The following COP1 variants were observed in gnomAD, a reference collection of about 807,000 sequenced individuals.
The protein encoded by COP1 is E3 ubiquitin-protein ligase COP1.
A neutral mutation model predicts 101.3 loss-of-function variants in COP1; 24 were observed. The ratio of observed to expected loss-of-function variants is 0.24; its 90% confidence interval spans 0.17 to 0.33. The LOEUF (loss-of-function observed/expected upper bound fraction) is 0.33, where lower values mean the gene tolerates loss of function less well. Among genes scored for constraint, COP1 ranks in the 10% least tolerant of loss-of-function variants. COP1 has a pLI of 1.00. For synonymous variants in COP1, 347 were observed against 341.9 expected (o/e 1.01, Z -0.17); for missense variants, 663 against 906.2 (o/e 0.73, Z 3.45).
At chr1:175,980,580 T>C (rs75023849) in intron 18 of COP1, among the ~76,000 whole-genome samples, 8,654 of 152,148 alleles carry the variant, frequency 0.057, 286 homozygotes, top group African/African-American at 0.08. Flanking sequence ...GGAAATCTGT[T>C]ATCCTGATCC....
chr1:176,162,849 T>A lies in COP1; in HGVS notation c.762+20A>T. 6.4e-7 allele frequency: 1 copy of A among 1,560,022 alleles called. No individual in the cohort carries two copies. Among genetic ancestry groups the A allele is most frequent in the Non-Finnish European group, 8.6e-7 (1 of 1,157,866 alleles). ...AAAGTTCATCATTTAAAATTTTTTTTAAGTTTAGCTACCACTTACTGCTTC... is the reference window on the plus strand; with the variant it reads ...AAAGTTCATCATTTAAAATTTTTTTAAAGTTTAGCTACCACTTACTGCTTC... On this transcript the variant is annotated intron_variant, in intron 5 of 19. Coordinates refer to ENST00000367669, the MANE Select transcript of COP1 (RefSeq NM_022457.7).
At chr1:176,180,056 C>T (rs576798787) in intron 2 of COP1, among the ~76,000 whole-genome samples, 2 of 152,140 alleles carry the variant, frequency 1.3e-5, no homozygotes, top group African/African-American at 2.4e-5. Flanking sequence ...TACTTCACTA[C>T]CACCCCAAAA....
intron 15 of COP1, among the ~76,000 whole-genome samples, chr1:175,993,912 C>CCTCTTG (rs1209528288): frequency 6.6e-6 from 1 of 152,032 alleles, no homozygotes; most frequent in East Asian, 1.9e-4. Flanking sequence ...AGATACTCCT[C>CCTCTTG]GAGAAGAGCA....
intron 18 of COP1, chr1:175,968,321 AT>A (rs1253729115): frequency 2.8e-6 from 1 of 353,890 alleles, no homozygotes. Context: ...CATTTAAAAA[AT>A]AATACAGTAC....
intron 6 of COP1, among the ~76,000 whole-genome samples, chr1:176,144,369 C>T (rs989917180): frequency 7.9e-5 from 12 of 152,026 alleles, no homozygotes; most frequent in East Asian, 7.7e-4. Context: ...TCAAAAATGA[C>T]TAAATCTAAA....
intron 14 of COP1, among the ~76,000 whole-genome samples, chr1:176,040,016 T>C (rs760275324): frequency 3.9e-5 from 6 of 152,124 alleles, no homozygotes; most frequent in South Asian, 2.1e-4. Context: ...GGGAAAACCT[T>C]CATGACACTG....
chr1:176,039,324 A>C (rs1057048808), intron 14 of COP1, among the ~76,000 whole-genome samples: 3 of 152,188 alleles, frequency 2.0e-5, no homozygotes, highest in African/African-American at 7.2e-5. Flanking sequence ...ATAAAAGGGA[A>C]ATTCATAGCA....
intron 9 of COP1, among the ~76,000 whole-genome samples, chr1:176,113,830 T>C (rs1685702747): frequency 6.6e-6 from 1 of 152,144 alleles, no homozygotes; most frequent in Admixed American, 6.5e-5. Flanking sequence ...GGAATGATTC[T>C]ATAATTCAGT....
chr1:176,124,193 A>G (rs1470970892), intron 8 of COP1, among the ~76,000 whole-genome samples: 2 of 152,144 alleles, frequency 1.3e-5, no homozygotes, highest in Non-Finnish European at 2.9e-5. Flanking sequence ...ACAGGCATGC[A>G]ATATGTAATA....
chr1:176,017,221 A>T (rs1237941415), intron 15 of COP1: 1 of 152,212 alleles, frequency 6.6e-6, no homozygotes, highest in Non-Finnish European at 1.5e-5. Flanking sequence ...TTGGGACACA[A>T]TCAGTCTAGA....
chr1:176,086,226 T>C (rs1012854113), intron 9 of COP1, among the ~76,000 whole-genome samples: 15 of 58,696 alleles, frequency 2.6e-4, no homozygotes, highest in Non-Finnish European at 5.6e-4. Flanking sequence ...TGGGAATCTT[T>C]CTTTTTTTTT....
At chr1:176,101,385 T>C (rs1369684921) in intron 9 of COP1, among the ~76,000 whole-genome samples, 1 of 152,184 alleles carries the variant, frequency 6.6e-6, no homozygotes, top group Non-Finnish European at 1.5e-5. Context: ...GAATGCATCC[T>C]GAATCCCAGG....
intron 9 of COP1, among the ~76,000 whole-genome samples, chr1:176,096,485 C>T (rs993971811): frequency 1.4e-4 from 21 of 152,204 alleles, no homozygotes; most frequent in African/African-American, 4.3e-4. Flanking sequence ...CAGCCACTGT[C>T]CAGGCCCCAA....
chr1:176,115,564 T>A (rs553270952), intron 9 of COP1, among the ~76,000 whole-genome samples: 1 of 152,090 alleles, frequency 6.6e-6, no homozygotes, highest in East Asian at 1.9e-4. Flanking sequence ...CTGGCTAACA[T>A]GGTGAAACCC....
At chr1:176,142,229 T>C (rs1690811494) in intron 6 of COP1, among the ~76,000 whole-genome samples, 1 of 151,606 alleles carries the variant, frequency 6.6e-6, no homozygotes, top group Non-Finnish European at 1.5e-5. Flanking sequence ...TACAAAAAAT[T>C]TACTTTAAAA....
intron 8 of COP1, among the ~76,000 whole-genome samples, chr1:176,131,515 TA>T (rs1230984159): frequency 1.3e-5 from 2 of 151,872 alleles, no homozygotes; most frequent in African/African-American, 4.8e-5. Flanking sequence ...ATATTCATTA[TA>T]GAAAACTAAC....
At chr1:176,066,839 G>A (rs966622076) in intron 11 of COP1, among the ~76,000 whole-genome samples, 11 of 152,088 alleles carry the variant, frequency 7.2e-5, no homozygotes, top group Admixed American at 6.5e-4. Flanking sequence ...CTCTATTAAT[G>A]TTCAGCACTA....
intron 18 of COP1, among the ~76,000 whole-genome samples, chr1:175,976,998 T>C (rs1654749474): frequency 6.6e-6 from 1 of 152,100 alleles, no homozygotes; most frequent in Non-Finnish European, 1.5e-5. Flanking sequence ...AGTATTTTTT[T>C]CTCCCAATCT....
At chr1:176,049,000 G>A (rs938591694) in intron 11 of COP1, among the ~76,000 whole-genome samples, 5 of 150,546 alleles carry the variant, frequency 3.3e-5, no homozygotes, top group Admixed American at 2.0e-4. Flanking sequence ...GTGAAACCCC[G>A]TCTCTACTGA....
Sources: allele counts gnomAD v4.1 joint callset (sites outside exome capture counted in the v4.1 genomes callset), GRCh38; gene constraint gnomAD v4.1.1; transcripts MANE v1.5; gene names NCBI Gene and HGNC (gene_info 2026-07-23, HGNC 2026-07-21).